The following PDC variants were observed in gnomAD, a reference collection of about 807,000 sequenced individuals.
PDC encodes phosducin.
PDC carries 19 observed loss-of-function variants against 22.2 expected under a neutral mutation model. The ratio of observed to expected loss-of-function variants is 0.86; its 90% CI spans 0.60 to 1.26. PDC has a LOEUF of 1.26. Among genes scored for constraint, PDC ranks in the 50% most tolerant of loss-of-function variants. The pLI is 0.00. For missense variants in PDC, 274 were observed against 286.8 expected (o/e 0.96, Z 0.32); for synonymous variants, 97 against 96.2 (o/e 1.01, Z -0.05).
Position 186,444,471 on chromosome 1 carries a change from C to A in PDC, c.249G>T (p.Glu83Asp). ...SIQEYELIHK[E>D]KEDENCLRKY... ...TACGAAGGCAGTTTTCATCCTCTTT[C>A]TCTTTATGGATTAGTTCATATTCTT... The change falls in exon 4 of 4, where the codon GAG (glutamate) becomes GAT (aspartate). Residue 83 changes from glutamate to aspartate, a missense_variant. By Grantham distance (45) the Glu-to-Asp change is conservative. Transcript: ENST00000391997. 1 of 1,606,094 alleles carries A rather than the reference C, an allele frequency of 6.2e-7. No homozygotes were observed. The highest frequency in any genetic ancestry group is 8.5e-7 in the Non-Finnish European group (1 of 1,173,160).
chr1:186,456,621 G>GT (rs2102138477), intron 1 of PDC, among the ~76,000 whole-genome samples: 2 of 152,148 alleles, frequency 1.3e-5, no homozygotes, highest in Non-Finnish European at 2.9e-5. Context: ...GAGTAAGATT[G>GT]TTTTTTGTTT....
chr1:186,446,317 C>A, intron 3 of PDC, 109 bp downstream of exon 3: 1 of 798,470 alleles, frequency 1.3e-6, no homozygotes, highest in Admixed American at 3.2e-5. Flanking sequence ...CCAGCGTAAG[C>A]AATATTGTAA....
chr1:186,448,397 A>G (rs1662280177), intron 2 of PDC, among the ~76,000 whole-genome samples: 1 of 151,940 alleles, frequency 6.6e-6, no homozygotes, highest in South Asian at 2.1e-4. Flanking sequence ...TTTGGTAATT[A>G]GTTTCTTTTC....
At chr1:186,448,894 A>G (rs1417705818) in intron 2 of PDC, among the ~76,000 whole-genome samples, 2 of 152,148 alleles carry the variant, frequency 1.3e-5, no homozygotes, top group African/African-American at 4.8e-5. Flanking sequence ...GCCAAACATA[A>G]TTTAACAGAT....
At chr1:186,450,932 T>C (rs538854624) in intron 1 of PDC, 1 of 152,320 alleles carries the variant, frequency 6.6e-6, no homozygotes, top group Non-Finnish European at 1.5e-5. Flanking sequence ...TTCTTTCACT[T>C]TTTTTGCTTT....
intron 3 of PDC, among the ~76,000 whole-genome samples, 183 bp from the exon 4 acceptor site, chr1:186,444,689 C>T (rs1180725406): frequency 1.3e-5 from 2 of 152,086 alleles, no homozygotes; most frequent in East Asian, 1.9e-4. Context: ...ATGTCACCTT[C>T]CTTGATTACT....
At chr1:186,450,638 A>G (rs910143740) in intron 1 of PDC, among the ~76,000 whole-genome samples, 1 of 152,130 alleles carries the variant, frequency 6.6e-6, no homozygotes, top group South Asian at 2.1e-4. Context: ...CTGCCGGTTT[A>G]TAGTATTTTT....
At position 186,449,476 on chromosome 1, in the gene PDC, GA is replaced by G; in HGVS notation, c.-18del. Reference sequence around the variant, plus strand: ...TTCTTCCATTTTAGGGACTGGATTTGATATAATCTATAGGAGGAACAAAGAA... The same window carrying G: ...TTCTTCCATTTTAGGGACTGGATTTGTATAATCTATAGGAGGAACAAAGAA... On this transcript the variant is annotated 5_prime_UTR_variant, in exon 2 of 4. Coordinates refer to ENST00000391997, the MANE Select transcript of PDC (RefSeq NM_002597.5). 1 of 1,528,406 alleles carries G rather than the reference GA, an allele frequency of 6.5e-7. No homozygotes were observed. Among genetic ancestry groups the G allele is most frequent in the Non-Finnish European group, 9.0e-7 (1 of 1,106,246 alleles). The allele number at this position is 1,528,406 out of a possible 1,614,324, so 94.7% of individuals were successfully genotyped here. A position where few individuals can be genotyped will look rare whatever the true frequency, so the allele number is the denominator to read the frequency against.
chr1:186,457,483 G>A (rs936635257), intron 1 of PDC, among the ~76,000 whole-genome samples: 2 of 152,154 alleles, frequency 1.3e-5, no homozygotes, highest in Non-Finnish European at 2.9e-5. Flanking sequence ...CCAATGAATT[G>A]TCTTCCCTAC....
chr1:186,452,795 G>T (rs1662379405), intron 1 of PDC, among the ~76,000 whole-genome samples: 1 of 152,168 alleles, frequency 6.6e-6, no homozygotes, highest in South Asian at 2.1e-4. Context: ...ACATCTTTGT[G>T]TGATTGGAAA....
chr1:186,460,083 C>A (rs963219358), intron 1 of PDC, among the ~76,000 whole-genome samples: 4 of 152,054 alleles, frequency 2.6e-5, no homozygotes, highest in African/African-American at 9.7e-5. Context: ...AAACCACCAA[C>A]AAACCACCGC....
intron 3 of PDC, among the ~76,000 whole-genome samples, chr1:186,446,101 A>G (rs916395779): frequency 1.3e-5 from 2 of 152,152 alleles, no homozygotes; most frequent in African/African-American, 4.8e-5. Context: ...ATAGTTTTAC[A>G]TTTATTTTTT....
intron 1 of PDC, among the ~76,000 whole-genome samples, chr1:186,456,613 G>GT (rs1379782420): frequency 1.3e-5 from 2 of 152,130 alleles, no homozygotes; most frequent in Admixed American, 1.3e-4. Context: ...AATTTTCAGA[G>GT]TAAGATTGTT....
chr1:186,444,626 C>T (rs1662183747), intron 3 of PDC, 120 bp from the exon 4 acceptor site: 2 of 623,886 alleles, frequency 3.2e-6, no homozygotes, highest in Non-Finnish European at 5.6e-6. Flanking sequence ...GGACCACCTA[C>T]CTTTCACTCC....
intron 2 of PDC, among the ~76,000 whole-genome samples, chr1:186,447,833 T>C (rs1397215689): frequency 2.0e-5 from 3 of 151,754 alleles, no homozygotes; most frequent in South Asian, 4.2e-4. Context: ...ATATGCAAAA[T>C]ATACATGTGT....
At chr1:186,456,198 A>G (rs1195442893) in intron 1 of PDC, among the ~76,000 whole-genome samples, 3 of 151,718 alleles carry the variant, frequency 2.0e-5, no homozygotes, top group Non-Finnish European at 2.9e-5. Flanking sequence ...CAGATTTAGT[A>G]TACAGCATAT....
intron 2 of PDC, among the ~76,000 whole-genome samples, chr1:186,447,989 C>T (rs1270942301): frequency 6.6e-6 from 1 of 152,002 alleles, no homozygotes; most frequent in Non-Finnish European, 1.5e-5. Flanking sequence ...AAAGGTTCTT[C>T]CTTATTTAGA....
intron 1 of PDC, among the ~76,000 whole-genome samples, chr1:186,459,421 G>GA (rs906267188): frequency 2.0e-4 from 31 of 152,290 alleles, no homozygotes; most frequent in African/African-American, 7.5e-4. Flanking sequence ...TTGGCCTCCC[G>GA]AGGTGCCGGG....
chr1:186,457,314 A>T (rs1238378363), intron 1 of PDC, among the ~76,000 whole-genome samples: 1 of 152,194 alleles, frequency 6.6e-6, no homozygotes, highest in Non-Finnish European at 1.5e-5. Context: ...TGACAACACC[A>T]TGTCAGATCA....
Sources: gnomAD v4.1 joint callset for allele counts (sites outside exome capture counted in the v4.1 genomes callset) on GRCh38, gnomAD v4.1.1 for gene constraint, MANE v1.5 for transcripts, NCBI Gene and HGNC (gene_info 2026-07-23, HGNC 2026-07-21) for gene names.